Variants in RAI14 observed in about 807,000 individuals in gnomAD.
RAI14 encodes the protein ankycorbin.
RAI14 carries 45 observed loss-of-function variants against 115.4 expected under a neutral mutation model. That is an observed-to-expected ratio of 0.39 (90% confidence interval 0.31 to 0.50). The LOEUF is 0.50. RAI14 is among the 20% of genes least tolerant of loss of function. RAI14 has a pLI of 0.85. For missense variants in RAI14, 939 were observed against 1,131.2 expected (o/e 0.83, Z 2.44); for synonymous variants, 371 against 415.4 (o/e 0.89, Z 1.30).
intron 2 of RAI14, among the ~76,000 whole-genome samples, chr5:34,733,908 C>A (rs1014909040): frequency 6.6e-6 from 1 of 152,166 alleles, no homozygotes; most frequent in African/African-American, 2.4e-5. Context: ...GGGGTCCTCT[C>A]CCCCAAGGGC....
At chr5:34,777,140 T>A (rs574862526) in intron 3 of RAI14, among the ~76,000 whole-genome samples, 98 of 152,218 alleles carry the variant, frequency 6.4e-4, no homozygotes, top group African/African-American at 2.2e-3. Context: ...CACTCCAGCC[T>A]GGGCAACAGA....
chr5:34,720,562 C>T (rs1481800796), intron 2 of RAI14, among the ~76,000 whole-genome samples: 1 of 151,938 alleles, frequency 6.6e-6, no homozygotes. Flanking sequence ...AGGCGCCCGC[C>T]ACCACGCCCA....
chr5:34,827,487 G>T lies in RAI14; in HGVS notation c.2799+1008G>T, dbSNP rs1382670805. On this transcript the variant is annotated intron_variant, in intron 16 of 17. Coordinates refer to ENST00000265109, the MANE Select transcript of RAI14 (RefSeq NM_015577.3). The surrounding 1 kb of genome is among the most constrained non-coding windows in gnomAD (Gnocchi z 4.2). ...TAAAGTCCAGGGTTAGTCTGTCCTG[G>T]ACTGTCTCTAGCTTCCATATACAAA... 6.6e-6 allele frequency among the ~76,000 whole-genome samples: 1 copy of T among 152,142 alleles called. No homozygotes were observed. Among genetic ancestry groups the T allele is most frequent in the Non-Finnish European group, 1.5e-5 (1 of 68,018 alleles).
At chr5:34,763,203 T>G (rs1028295147) in intron 3 of RAI14, among the ~76,000 whole-genome samples, 8 of 152,136 alleles carry the variant, frequency 5.3e-5, no homozygotes, top group African/African-American at 1.9e-4. Context: ...GTATTAGATA[T>G]TTTACACCAG....
chr5:34,754,450 G>C (rs573017050), intron 2 of RAI14, among the ~76,000 whole-genome samples: 10 of 152,164 alleles, frequency 6.6e-5, no homozygotes, highest in African/African-American at 2.2e-4. Flanking sequence ...TGCCCAGAGT[G>C]GTCTCGAACT....
chr5:34,689,904 A>C (rs562171318), intron 2 of RAI14, among the ~76,000 whole-genome samples: 1 of 152,290 alleles, frequency 6.6e-6, no homozygotes, highest in East Asian at 1.9e-4. Context: ...AACAAACAAA[A>C]AAAGAATGTC....
At chr5:34,776,898 G>A (rs1311549620) in intron 3 of RAI14, among the ~76,000 whole-genome samples, 1 of 152,100 alleles carries the variant, frequency 6.6e-6, no homozygotes, top group African/African-American at 2.4e-5. Flanking sequence ...GCTGGGTGCA[G>A]TGGCTCATGC....
intron 15 of RAI14, 31 bp from the exon 16 acceptor site, chr5:34,826,299 G>T (rs1757443605): frequency 6.3e-7 from 1 of 1,593,830 alleles, no homozygotes; most frequent in African/African-American, 1.3e-5. Context: ...ACATGTTACT[G>T]TCTGCTAATA....
intron 10 of RAI14, among the ~76,000 whole-genome samples, chr5:34,812,661 G>A (rs527829041): frequency 8.2e-5 from 12 of 146,884 alleles, no homozygotes; most frequent in Admixed American, 3.4e-4. Context: ...GTGAAACTCC[G>A]TCTCAAAAAA....
chr5:34,678,165 T>G (rs1744132924), intron 1 of RAI14, among the ~76,000 whole-genome samples: 1 of 151,950 alleles, frequency 6.6e-6, no homozygotes, highest in Admixed American at 6.6e-5. Flanking sequence ...TGGCACGATC[T>G]TGGCTCACCG....
intron 3 of RAI14, among the ~76,000 whole-genome samples, chr5:34,774,756 G>GA (rs57231477): frequency 0.22 from 31,935 of 143,020 alleles, 4,621 homozygotes; most frequent in Non-Finnish European, 0.32. Flanking sequence ...CACAGAAATA[G>GA]AAAAAAAAAA....
intron 3 of RAI14, among the ~76,000 whole-genome samples, chr5:34,766,718 A>G (rs1225549383): frequency 6.6e-6 from 1 of 152,190 alleles, no homozygotes; most frequent in East Asian, 1.9e-4. Context: ...TTGGGAAGGC[A>G]TGACTGATTT....
rs115226692 is a variant in RAI14 at position 34,790,977 on chromosome 5, C to T, written c.168-4962C>T. On this transcript the variant is annotated intron_variant, in intron 3 of 17. Coordinates refer to ENST00000265109, the MANE Select transcript of RAI14 (RefSeq NM_015577.3). ...AATTAAGTAATTCCATTAGAGTCTG[C>T]GTCAAGTAGAATGAATGAAACCTCA... Among the ~76,000 whole-genome samples the T allele has an allele frequency of 7.1e-3, 1,086 of 151,996 alleles. 11 individuals are homozygous for T. Among genetic ancestry groups the T allele is most frequent in the African/African-American group, 0.024 (1,013 of 41,470 alleles).
In RAI14 at chr5:34,799,685, A is replaced by ATTTTTT. The variant is rs57115550; in HGVS notation, c.256+3675_256+3680dup. On this transcript the variant is annotated intron_variant, in intron 4 of 17. Coordinates refer to ENST00000265109, the MANE Select transcript of RAI14 (RefSeq NM_015577.3). ...GTTATAGAAGCAAGAATCTGTTAGCATTTTTTTTTTTTTTTTTTTTTTGAC... is the reference window on the plus strand; with the variant it reads ...GTTATAGAAGCAAGAATCTGTTAGCATTTTTTTTTTTTTTTTTTTTTTTTTTTTGAC... 9.7e-5 allele frequency among the ~76,000 whole-genome samples: 10 copies of ATTTTTT among 103,414 alleles called. 1 individual carries two copies. The highest frequency in any genetic ancestry group is 2.5e-4 in the East Asian group (1 of 3,936). The allele number at this position is 103,414 out of a possible 152,430, so 67.8% of individuals were successfully genotyped here.
chr5:34,744,229 C>T (rs1416878695), intron 2 of RAI14, among the ~76,000 whole-genome samples: 1 of 152,194 alleles, frequency 6.6e-6, no homozygotes, highest in Non-Finnish European at 1.5e-5. Context: ...TTGTTACATG[C>T]GTACCTCCCT....
intron 1 of RAI14, among the ~76,000 whole-genome samples, chr5:34,667,585 T>G (rs1207843560): frequency 2.0e-5 from 3 of 152,186 alleles, no homozygotes. Flanking sequence ...AAAAAACTAT[T>G]TAAAACATAG....
At chr5:34,684,929 A>G (rs1744698012) in intron 1 of RAI14, 1 of 152,212 alleles carries the variant, frequency 6.6e-6, no homozygotes, top group Non-Finnish European at 1.5e-5. Context: ...TCTCACTTGC[A>G]GTGGGCTTGA....
intron 3 of RAI14, among the ~76,000 whole-genome samples, chr5:34,761,613 T>C (rs1339653397): frequency 6.6e-6 from 1 of 152,184 alleles, no homozygotes. Flanking sequence ...GTCTCCCCGC[T>C]GTTTCTTCTG....
intron 2 of RAI14, among the ~76,000 whole-genome samples, chr5:34,750,503 T>C (rs865971588): frequency 6.6e-6 from 1 of 152,054 alleles, no homozygotes; most frequent in African/African-American, 2.4e-5. Flanking sequence ...AAACAGCAAG[T>C]GAGACTGAAC....
Sources: gnomAD v4.1 joint callset for allele counts (sites outside exome capture counted in the v4.1 genomes callset) on GRCh38, gnomAD v4.1.1 for gene constraint, Gnocchi (gnomAD v3.1) non-coding constraint, MANE v1.5 for transcripts, NCBI Gene and HGNC (gene_info 2026-07-23, HGNC 2026-07-21) for gene names.